The following ZPR1 variants were observed in gnomAD, a reference collection of about 807,000 sequenced individuals.
ZPR1 encodes zinc finger protein ZPR1.
In ZPR1, 37 loss-of-function variants were observed where a neutral mutation model predicts 59.6. The observed-to-expected ratio is 0.62, with a 90% confidence interval of 0.48 to 0.82. The LOEUF (loss-of-function observed/expected upper bound fraction) is 0.82. ZPR1 is among the 40% of genes least tolerant of loss of function. The pLI, the probability that ZPR1 is intolerant of heterozygous loss-of-function variation, is 0.00. For missense variants in ZPR1, 527 were observed against 579.9 expected, an observed-to-expected ratio of 0.91 and a Z score of 0.94; for synonymous variants, 191 against 215.2, an observed-to-expected ratio of 0.89 and a Z score of 0.99.
At position 116,784,391 on chromosome 11, in the gene ZPR1, T is replaced by C. The variant is rs375539621; in HGVS notation, c.878A>G (p.His293Arg). ...GCGCCCACCCACCTCATTGGTCCGA[T>C]GCCCACAGTTCTCGCAGTTGGTAGC... ...IMATNCENCGHRTNEVKSGGA... is the reference protein window; with the variant it reads ...IMATNCENCGRRTNEVKSGGA... The change falls in exon 9 of 14, where the codon CAT (histidine) becomes CGT (arginine). Residue 293 changes from histidine to arginine, a missense_variant. His to Arg is a conservative substitution (Grantham distance 29, BLOSUM62 0). Coordinates refer to ENST00000227322, the MANE Select transcript of ZPR1 (RefSeq NM_003904.5). The C allele has an allele frequency of 6.2e-7, 1 of 1,614,110 alleles. No homozygotes were observed. Among genetic ancestry groups the C allele is most frequent in the Non-Finnish European group, 8.5e-7 (1 of 1,180,018 alleles).
At chr11:116,785,929 T>A (rs1419808751) in intron 4 of ZPR1, 47 bp from the exon 5 acceptor site, 3 of 1,540,906 alleles carry the variant, frequency 1.9e-6, no homozygotes, top group Non-Finnish European at 2.7e-6. Flanking sequence ...GTGTACCTTA[T>A]GCCCTGCCCC....
Position 116,780,066 on chromosome 11 carries a change from AGAAAT to A in ZPR1, c.1180-234_1180-230del, listed in dbSNP as rs1383256937. On this transcript the variant is annotated intron_variant, in intron 12 of 13. Transcript: ENST00000227322. Reference sequence around the variant, plus strand: ...AATAAATATATATATAAATAAAAAAAGAAATGAAATAAATGAAAGTAAAGAAAAAT... The same window carrying A: ...AATAAATATATATATAAATAAAAAAAGAAATAAATGAAAGTAAAGAAAAAT... 7.3e-5 allele frequency among the ~76,000 whole-genome samples: 11 copies of A among 151,490 alleles called. No individual in the cohort carries two copies. The South Asian group carries it at 2.3e-3, about 31-fold the overall frequency.
In ZPR1 at chr11:116,778,934, C is replaced by A; in HGVS notation, c.1371G>T (p.Pro457=). The A allele has an allele frequency of 6.2e-7, 1 of 1,613,718 alleles. No homozygotes were observed. The highest frequency in any genetic ancestry group is 1.3e-5 in the African/African-American group (1 of 75,054). The change falls in exon 14 of 14, where the codon CCG becomes CCT. Residue 457 remains proline, a synonymous_variant. Transcript: ENST00000227322. ...KTEGYEAGLA[P]QR is the part of the protein sequence containing the mutation. ...CTTGAGCCACCCACTGCTACCGTTG[C>A]GGAGCCAGGCCTGCCTCATAGCCCT...
At position 116,778,089 on chromosome 11, in the gene ZPR1, CCTT is replaced by C. The variant is rs1329021460; in HGVS notation, c.*833_*835del. ...GCTTTGCCCAAATGTCAAATTATCACCTTCTTGTTCAGAAGATCTTCCCTACTC... is the reference window on the plus strand; with the variant it reads ...GCTTTGCCCAAATGTCAAATTATCACCTTGTTCAGAAGATCTTCCCTACTC... On this transcript the variant is annotated 3_prime_UTR_variant, in exon 14 of 14. Transcript: ENST00000227322. 2 of 152,294 alleles carry C rather than the reference CCTT, an allele frequency of 1.3e-5. No individual in the cohort carries two copies. Among genetic ancestry groups the C allele is most frequent in the African/African-American group, 4.8e-5 (2 of 41,444 alleles). 9.4% of individuals were successfully genotyped at this position (152,294 alleles called of 1,614,324 possible). A position where few individuals can be genotyped will look rare whatever the true frequency, so the allele number is the denominator to read the frequency against.
At chr11:116,784,095 C>T (rs1940850949) in intron 9 of ZPR1, among the ~76,000 whole-genome samples, 1 of 152,160 alleles carries the variant, frequency 6.6e-6, no homozygotes, top group South Asian at 2.1e-4. Flanking sequence ...TCAAAGTCTG[C>T]CTCCCTGAAC....
chr11:116,774,091 TTTA>T lies in ZPR1; in HGVS notation c.*4831_*4833del, dbSNP rs1005864160. Reference sequence around the variant, plus strand: ...TCAGTTTTATCGTTTTCTTCCCAGCTTTATTATTTGACAAAAAATTATATATAT... The same window carrying T: ...TCAGTTTTATCGTTTTCTTCCCAGCTTTATTTGACAAAAAATTATATATAT... On this transcript the variant is annotated 3_prime_UTR_variant, in exon 14 of 14. Coordinates refer to ENST00000227322, the MANE Select transcript of ZPR1 (RefSeq NM_003904.5). The T allele has an allele frequency of 6.6e-6, 1 of 152,210 alleles. No homozygotes were observed. The highest frequency in any genetic ancestry group is 2.4e-5 in the African/African-American group (1 of 41,450). 9.4% of individuals were successfully genotyped at this position (152,210 alleles called of 1,614,324 possible).
At chr11:116,784,721 C>A in intron 8 of ZPR1, 134 bp downstream of exon 8, 1 of 1,006,758 alleles carries the variant, frequency 9.9e-7, no homozygotes, top group Non-Finnish European at 1.5e-6. Context: ...GGTACACAGT[C>A]TAATCAAAGA....
chr11:116,777,039 A>G lies in ZPR1; in HGVS notation c.*1886T>C, dbSNP rs1940732934. 6.6e-6 allele frequency: 1 copy of G among 152,250 alleles called. No individual in the cohort carries two copies. The highest frequency in any genetic ancestry group is 2.4e-5 in the African/African-American group (1 of 41,460). The allele number at this position is 152,250 out of a possible 1,614,324, so 9.4% of individuals were successfully genotyped here. A position where few individuals can be genotyped will look rare whatever the true frequency, so the allele number is the denominator to read the frequency against. Reference sequence around the variant, plus strand: ...ACTTACAGAAATTAGAGATACAGGTATGGAAGTTAGTCCCACATGATAGTA... The same window carrying G: ...ACTTACAGAAATTAGAGATACAGGTGTGGAAGTTAGTCCCACATGATAGTA... On this transcript the variant is annotated 3_prime_UTR_variant, in exon 14 of 14. Transcript: ENST00000227322.
rs148784079 is a variant in ZPR1 at position 116,775,210 on chromosome 11, C to A, written c.*3715G>T. 6.2e-3 allele frequency: 944 copies of A among 152,522 alleles called. 8 individuals carry two copies. The highest frequency in any genetic ancestry group is 0.01 in the Non-Finnish European group (691 of 68,214). 9.4% of individuals were successfully genotyped at this position (152,522 alleles called of 1,614,324 possible). ...GCACGGTGGCTCACGCCTGTAATCC[C>A]TGCACTTTGGGAGGCCAAGGCAGGT... On this transcript the variant is annotated 3_prime_UTR_variant, in exon 14 of 14. Coordinates refer to ENST00000227322, the MANE Select transcript of ZPR1 (RefSeq NM_003904.5).
chr11:116,783,161 T>C (rs377184161), intron 10 of ZPR1, 132 bp from the exon 11 acceptor site: 3 of 664,988 alleles, frequency 4.5e-6, no homozygotes, highest in East Asian at 5.4e-5. Context: ...TCTGACTCCC[T>C]TGTTAAAGCT....
At position 116,782,205 on chromosome 11, in the gene ZPR1, G is replaced by C; in HGVS notation, c.1132C>G (p.Pro378Ala). The C allele has an allele frequency of 6.2e-7, 1 of 1,614,132 alleles. No homozygotes were observed. Among genetic ancestry groups the C allele is most frequent in the Non-Finnish European group, 8.5e-7 (1 of 1,180,020 alleles). ...TCCTGTAGTCTCTCCGTCTGTCCAG[G>C]ATTGGAACTGTCGCCCAGTGTGAAA... ...NPFTLGDSSN[P>A]GQTERLQEFS... Residue 378 changes from proline (P) to alanine (A), a missense_variant, in exon 12 of 14, where the codon CCT becomes GCT. Pro to Ala is a conservative substitution (Grantham distance 27, BLOSUM62 -1). Coordinates refer to ENST00000227322, the MANE Select transcript of ZPR1 (RefSeq NM_003904.5).
chr11:116,779,080 A>G (rs1388879863), intron 13 of ZPR1, 21 bp from the exon 14 acceptor site: 4 of 1,613,222 alleles, frequency 2.5e-6, no homozygotes, highest in East Asian at 2.2e-5. Flanking sequence ...AAGGAGAGAC[A>G]ATCAGTGCCG....
rs780680334 is a variant in ZPR1 at position 116,778,917 on chromosome 11, AC to A, written c.*7del. ...AGCGCTGGAGGCTGGCCCTTGAGCC[AC>A]CCACTGCTACCGTTGCGGAGCCAGG... On this transcript the variant is annotated 3_prime_UTR_variant, in exon 14 of 14. Transcript: ENST00000227322. The A allele has an allele frequency of 6.2e-7, 1 of 1,613,308 alleles. No individual in the cohort carries two copies. Among genetic ancestry groups the A allele is most frequent in the East Asian group, 2.2e-5 (1 of 44,882 alleles).
intron 2 of ZPR1, 191 bp downstream of exon 2, chr11:116,787,291 A>T (rs1940902549): frequency 1.4e-6 from 1 of 696,802 alleles, no homozygotes. Context: ...CTCAGACAAC[A>T]TTTACAAAGC....
At position 116,776,999 on chromosome 11, in the gene ZPR1, C is replaced by T. The variant is rs559078735; in HGVS notation, c.*1926G>A. 1 of 152,296 alleles carries T rather than the reference C, an allele frequency of 6.6e-6. No individual in the cohort carries two copies. The highest frequency in any genetic ancestry group is 1.5e-5 in the Non-Finnish European group (1 of 68,028). 9.4% of individuals were successfully genotyped at this position (152,296 alleles called of 1,614,324 possible). On this transcript the variant is annotated 3_prime_UTR_variant, in exon 14 of 14. Coordinates refer to ENST00000227322, the MANE Select transcript of ZPR1 (RefSeq NM_003904.5). ...TTTGCTAACCTGAGTCTCCAAACAC[C>T]TTACTCTCGCCCTCACTTACAGAAA...
At chr11:116,785,914 T>C in intron 4 of ZPR1, 32 bp from the exon 5 acceptor site, 2 of 1,597,278 alleles carry the variant, frequency 1.3e-6, no homozygotes, top group African/African-American at 1.3e-5. Context: ...GCATCAGCCC[T>C]GGTGGTGTAC....
Position 116,774,416 on chromosome 11 carries a change from A to G in ZPR1, c.*4509T>C, listed in dbSNP as rs1414680375. The G allele has an allele frequency of 6.6e-6, 1 of 152,158 alleles. No individual in the cohort carries two copies. The highest frequency in any genetic ancestry group is 1.9e-4 in the East Asian group (1 of 5,192). 9.4% of individuals were successfully genotyped at this position (152,158 alleles called of 1,614,324 possible). A position where few individuals can be genotyped will look rare whatever the true frequency, so the allele number is the denominator to read the frequency against. ...ACAGAATTTGCAGGATGCTATACAC[A>G]ACTACACAAAAGTGCAAACAATAGT... On this transcript the variant is annotated 3_prime_UTR_variant, in exon 14 of 14. Transcript: ENST00000227322.
At chr11:116,787,734 C>T (rs1049256627) in intron 1 of ZPR1, 86 bp downstream of exon 1, 16 of 1,527,432 alleles carry the variant, frequency 1.0e-5, no homozygotes, top group Middle Eastern at 4.7e-4. Flanking sequence ...GGTCCCCGGC[C>T]GGGCCCACCT....
Position 116,787,623 on chromosome 11 carries a change from G to T in ZPR1, c.192C>A (p.Leu64=). The part of the protein sequence containing the change: ...CYCNGMTRLL[L]TKIPFFREII... ...TTTCTCTGAAGAAGGGAATCTTGGTGAGCAGGAGGCGCGTCATGCCCTGGT... is the reference window on the plus strand; with the variant it reads ...TTTCTCTGAAGAAGGGAATCTTGGTTAGCAGGAGGCGCGTCATGCCCTGGT... The change falls in exon 2 of 14, where the codon CTC becomes CTA. Residue 64 remains leucine (L), a synonymous_variant. Transcript: ENST00000227322. The T allele has an allele frequency of 6.2e-7, 1 of 1,612,248 alleles. No individual in the cohort carries two copies. The highest frequency in any genetic ancestry group is 8.5e-7 in the Non-Finnish European group (1 of 1,178,370).
Sources: allele counts gnomAD v4.1 joint callset (sites outside exome capture counted in the v4.1 genomes callset), GRCh38; gene constraint gnomAD v4.1.1; transcripts MANE v1.5; gene names NCBI Gene and HGNC (gene_info 2026-07-23, HGNC 2026-07-21).